The following ANKRD11 variants were observed in gnomAD, a reference collection of about 807,000 sequenced individuals.
The protein encoded by ANKRD11 is ankyrin repeat domain 11.
Under a neutral mutation model 195.7 loss-of-function variants are expected in ANKRD11, and 17 were observed. That is an observed-to-expected ratio of 0.09 (90% confidence interval 0.06 to 0.13). ANKRD11 has a LOEUF of 0.13. Ranked by LOEUF, ANKRD11 falls within the 10% of genes least tolerant of loss-of-function variation. The probability of loss-of-function intolerance (pLI) is 1.00; values close to 1 mark genes in which losing one functional copy is unlikely to be tolerated. For missense variants in ANKRD11, 3,735 were observed against 3,566.1 expected, an observed-to-expected ratio of 1.05 and a Z score of -1.21; for synonymous variants, 1,953 against 1,528.1, an observed-to-expected ratio of 1.28 and a Z score of -6.49.
chr16:89,334,606 T>C (rs1165503788), intron 2 of ANKRD11, among the ~76,000 whole-genome samples: 1 of 152,046 alleles, frequency 6.6e-6, no homozygotes, highest in African/African-American at 2.4e-5. Flanking sequence ...GGCCAGACCC[T>C]GACCCAGAGC....
intron 2 of ANKRD11, among the ~76,000 whole-genome samples, chr16:89,383,141 C>A (rs2040736893): frequency 6.6e-6 from 1 of 152,204 alleles, no homozygotes; most frequent in African/African-American, 2.4e-5. Flanking sequence ...GGACCCACAG[C>A]CTAAGGCCAA....
At chr16:89,428,247 C>T (rs977979107) in intron 1 of ANKRD11, among the ~76,000 whole-genome samples, 7 of 150,846 alleles carry the variant, frequency 4.6e-5, no homozygotes, top group Non-Finnish European at 7.4e-5. Flanking sequence ...ATTCTTTGGC[C>T]GGGCACGGTG....
chr16:89,403,237 C>T (rs1282272440), intron 2 of ANKRD11, among the ~76,000 whole-genome samples: 4 of 152,206 alleles, frequency 2.6e-5, no homozygotes, highest in Non-Finnish European at 5.9e-5. Flanking sequence ...CGGGCACTGA[C>T]AGGAAGTATC....
At chr16:89,403,328 T>A (rs550555800) in intron 2 of ANKRD11, among the ~76,000 whole-genome samples, 3 of 151,962 alleles carry the variant, frequency 2.0e-5, no homozygotes, top group Admixed American at 6.6e-5. Context: ...GACCGGCCCC[T>A]CCTGACTGGC....
intron 2 of ANKRD11, among the ~76,000 whole-genome samples, chr16:89,400,091 T>C (rs2041634774): frequency 2.0e-5 from 1 of 50,750 alleles, no homozygotes; most frequent in Non-Finnish European, 3.6e-5. Context: ...TGCCCCAGGC[T>C]TCCCTGCGCT....
chr16:89,381,331 CAAAAAAAAAAAAAA>C (rs10567322), intron 2 of ANKRD11, among the ~76,000 whole-genome samples: 4 of 76,354 alleles, frequency 5.2e-5, no homozygotes, highest in Admixed American at 1.7e-4. Flanking sequence ...GACTCTGCTG[CAAAAAAAAAAAAAA>C]AAAAAAAAAG....
intron 2 of ANKRD11, among the ~76,000 whole-genome samples, chr16:89,380,476 TTC>T (rs1189270383): frequency 6.6e-6 from 1 of 152,188 alleles, no homozygotes; most frequent in Admixed American, 6.5e-5. Flanking sequence ...TTCAGATAGC[TTC>T]CTTGGGGCTA....
chr16:89,324,311 C>T (rs1049226798), intron 2 of ANKRD11: 27 of 1,269,932 alleles, frequency 2.1e-5, no homozygotes, highest in African/African-American at 7.6e-5. Flanking sequence ...GACAGGAGCA[C>T]GGACACAGCA....
At chr16:89,301,512 G>T in intron 4 of ANKRD11, 1 of 398,852 alleles carries the variant, frequency 2.5e-6, no homozygotes, top group Non-Finnish European at 4.4e-6. Flanking sequence ...AGGGCAAGCT[G>T]GTCTGAGAGG....
intron 2 of ANKRD11, among the ~76,000 whole-genome samples, chr16:89,335,821 A>T (rs1472174860): frequency 6.6e-6 from 1 of 152,184 alleles, no homozygotes; most frequent in Non-Finnish European, 1.5e-5. Context: ...TGACCCAGAG[A>T]GTACCTGTGA....
Position 89,280,347 on chromosome 16 carries a change from G to T in ANKRD11, c.6195C>A (p.Phe2065Leu). The T allele has an allele frequency of 6.3e-7, 1 of 1,576,364 alleles. No homozygotes were observed. ...CCGGAAGTGACTTGCAGTTGCTGAA[G>T]AAGGACTCCAGCCCGGAGGGAGGGG... The part of the protein sequence containing the change: ...PYAPPSGLES[F>L]FSNCKSLPEA... The change falls in exon 9 of 13, where the codon TTC (phenylalanine) becomes TTA (leucine). Residue 2065 changes from phenylalanine (F) to leucine (L), a missense_variant. Transcript: ENST00000301030.
chr16:89,346,715 TG>T (rs2038957812), intron 2 of ANKRD11, among the ~76,000 whole-genome samples: 1 of 152,172 alleles, frequency 6.6e-6, no homozygotes, highest in Non-Finnish European at 1.5e-5. Context: ...TACAGCAAGG[TG>T]GGAGATCCAG....
chr16:89,328,693 C>T (rs953410191), intron 2 of ANKRD11, among the ~76,000 whole-genome samples: 3 of 142,536 alleles, frequency 2.1e-5, no homozygotes, highest in African/African-American at 5.4e-5. Context: ...CCCAGGAGCA[C>T]GGGCGAAATC....
chr16:89,472,364 C>T (rs2057114524), intron 1 of ANKRD11, among the ~76,000 whole-genome samples: 1 of 151,976 alleles, frequency 6.6e-6, no homozygotes, highest in Non-Finnish European at 1.5e-5. Flanking sequence ...GAGATCTGCA[C>T]ATTTACTAAG....
intron 2 of ANKRD11, among the ~76,000 whole-genome samples, chr16:89,384,047 C>T (rs2040783582): frequency 6.6e-6 from 1 of 152,182 alleles, no homozygotes; most frequent in Non-Finnish European, 1.5e-5. Context: ...TGGCAAAACC[C>T]TGTCTCTATT....
chr16:89,439,227 A>G (rs1306220996), intron 1 of ANKRD11, among the ~76,000 whole-genome samples: 9 of 152,170 alleles, frequency 5.9e-5, no homozygotes. Context: ...AGTAAACTGA[A>G]AACTTTTTTG....
Position 89,279,707 on chromosome 16 carries a change from C to G in ANKRD11, c.6835G>C (p.Val2279Leu), listed in dbSNP as rs1372842572. The G allele has an allele frequency of 1.3e-6, 2 of 1,520,040 alleles. No homozygotes were observed. Among genetic ancestry groups the G allele is most frequent in the Admixed American group, 2.0e-5 (1 of 49,594 alleles). 94.2% of individuals were successfully genotyped at this position (1,520,040 alleles called of 1,614,324 possible). ...CAPDGPAPNT[V>L]AQAQAADGAG... The stretch of plus-strand genomic sequence containing the variant: ...CCGTCTGCGGCCTGAGCTTGTGCCA[C>G]AGTGTTCGGGGCGGGGCCGTCAGGG... Residue 2279 changes from valine to leucine, a missense_variant, in exon 9 of 13, where the codon GTG becomes CTG. Transcript: ENST00000301030. This position sits in a 1 kb window ranked among gnomAD's most constrained non-coding sequence, Gnocchi z 5.6.
intron 1 of ANKRD11, among the ~76,000 whole-genome samples, chr16:89,479,707 G>C (rs1180025473): frequency 1.3e-5 from 2 of 151,834 alleles, no homozygotes; most frequent in Non-Finnish European, 2.9e-5. Flanking sequence ...CACTTTGGGA[G>C]GCCGAGGGGG....
chr16:89,305,674 CTCCGCAGACACGCGCCACCTCCCA>C (rs2036155961), intron 3 of ANKRD11, among the ~76,000 whole-genome samples: 1 of 42,444 alleles, frequency 2.4e-5, no homozygotes, highest in African/African-American at 7.4e-5. Flanking sequence ...CTACCTCCCA[CTCCGCAGACACGCGCCACCTCCCA>C]CTCCGCAGAC....
Sources: allele counts gnomAD v4.1 joint callset (sites outside exome capture counted in the v4.1 genomes callset), GRCh38; gene constraint gnomAD v4.1.1; non-coding constraint Gnocchi (gnomAD v3.1); transcripts MANE v1.5; gene names NCBI Gene and HGNC (gene_info 2026-07-23, HGNC 2026-07-21).